C12orf42: variants seen among roughly 807,000 people sequenced by gnomAD.
The protein encoded by C12orf42 is chromosome 12 open reading frame 42, also known as uncharacterized protein C12orf42.
A neutral mutation model predicts 21.6 loss-of-function variants in C12orf42; 25 were observed. That is an observed-to-expected ratio of 1.16 (90% CI 0.84 to 1.62). The LOEUF is 1.62. Among genes scored for constraint, C12orf42 ranks in the 40% most tolerant of loss-of-function variants. C12orf42 has a pLI of 0.00. For missense variants in C12orf42, 483 were observed against 459.3 expected (o/e 1.05, Z -0.47); for synonymous variants, 174 against 175.0 (o/e 0.99, Z 0.05).
At chr12:103,197,714 T>G in the C12orf42 span, among the ~76,000 whole-genome samples, 2 of 152,238 alleles carry the variant, frequency 1.3e-5, no homozygotes, top group Non-Finnish European at 2.9e-5. Flanking sequence ...TCTTTGAAGT[T>G]GCTTCCTTTG....
intron 4 of C12orf42, among the ~76,000 whole-genome samples, chr12:103,351,419 G>A (rs948648645): frequency 6.6e-5 from 10 of 152,164 alleles, no homozygotes; most frequent in Non-Finnish European, 1.3e-4. Flanking sequence ...ACCCTGTCAC[G>A]GAGGCTGCCT....
At chr12:103,390,336 C>G (rs2138424758) in intron 3 of C12orf42, among the ~76,000 whole-genome samples, 1 of 152,306 alleles carries the variant, frequency 6.6e-6, no homozygotes, top group South Asian at 2.1e-4. Context: ...TTAACTATTT[C>G]TGAGTGTATA....
chr12:103,436,515 T>C (rs987595880), intron 2 of C12orf42, among the ~76,000 whole-genome samples: 1 of 151,124 alleles, frequency 6.6e-6, no homozygotes, highest in Non-Finnish European at 1.5e-5. Flanking sequence ...CCATCTCACG[T>C]GCAGAGACAC....
At chr12:103,130,259 G>A in the C12orf42 span, among the ~76,000 whole-genome samples, 1 of 151,222 alleles carries the variant, frequency 6.6e-6, no homozygotes, top group Admixed American at 6.6e-5. Context: ...AAGGAAAATA[G>A]CTTCTCTGAG....
chr12:103,550,297 AT>A, the C12orf42 span, among the ~76,000 whole-genome samples: 1 of 152,162 alleles, frequency 6.6e-6, no homozygotes, highest in African/African-American at 2.4e-5. Flanking sequence ...ACTCAAAGTC[AT>A]GGGGTCCTAA....
chr12:103,181,499 G>A, the C12orf42 span, among the ~76,000 whole-genome samples: 1 of 152,160 alleles, frequency 6.6e-6, no homozygotes, highest in African/African-American at 2.4e-5. Flanking sequence ...AAAGAAGAAA[G>A]ACAGAGGTGG....
the C12orf42 span, among the ~76,000 whole-genome samples, chr12:103,172,463 T>C: frequency 6.6e-6 from 1 of 152,124 alleles, no homozygotes; most frequent in Non-Finnish European, 1.5e-5. Flanking sequence ...GCCTACCTTT[T>C]CCCCTTGCTG....
chr12:103,302,899 T>C (rs1415099190), intron 5 of C12orf42, among the ~76,000 whole-genome samples: 2 of 151,874 alleles, frequency 1.3e-5, no homozygotes, highest in Non-Finnish European at 2.9e-5. Context: ...GTGGCTAAAA[T>C]AGGGCCCGAA....
At chr12:103,216,289 T>C in the C12orf42 span, among the ~76,000 whole-genome samples, 14,551 of 152,264 alleles carry the variant, frequency 0.096, 854 homozygotes, top group East Asian at 0.19. Flanking sequence ...TGTATAATTA[T>C]TTGTGTTCTG....
At chr12:103,427,414 A>G (rs530472755) in intron 2 of C12orf42, among the ~76,000 whole-genome samples, 3 of 152,198 alleles carry the variant, frequency 2.0e-5, no homozygotes, top group African/African-American at 7.2e-5. Context: ...GGATCAATGC[A>G]TCAAGAAGAG....
intron 4 of C12orf42, among the ~76,000 whole-genome samples, chr12:103,320,295 TA>T (rs1306512198): frequency 6.6e-6 from 1 of 152,338 alleles, no homozygotes; most frequent in East Asian, 1.9e-4. Flanking sequence ...ATTAACTTAA[TA>T]ACATGTAATC....
the C12orf42 span, among the ~76,000 whole-genome samples, chr12:103,125,024 G>A: frequency 6.6e-6 from 1 of 152,152 alleles, no homozygotes; most frequent in African/African-American, 2.4e-5. Flanking sequence ...GTCAGTATGT[G>A]TTGGTAAAAT....
At chr12:103,129,975 G>A in the C12orf42 span, among the ~76,000 whole-genome samples, 1 of 151,992 alleles carries the variant, frequency 6.6e-6, no homozygotes, top group Non-Finnish European at 1.5e-5. Flanking sequence ...TAACATCAAG[G>A]ATACCAACTA....
chr12:103,501,282 C>CA, the C12orf42 span, among the ~76,000 whole-genome samples: 27 of 151,562 alleles, frequency 1.8e-4, 1 homozygote, highest in Admixed American at 5.3e-4. Context: ...CTGGGAGTGT[C>CA]AAAAAAAGGG....
rs1355846364 is a variant in C12orf42 at position 103,368,990 on chromosome 12, A to C, written c.156T>G (p.Pro52=). ...AGGGTACTGAAGTTCTTTCATAACAAGGGATGTGCTGTAAGATAGAGGAGA... is the reference window on the plus strand; with the variant it reads ...AGGGTACTGAAGTTCTTTCATAACACGGGATGTGCTGTAAGATAGAGGAGA... ...DRSTPSAKHI[P]CYERTSVPCS... The change falls in exon 4 of 6, where the codon CCT becomes CCG. Residue 52 remains proline (P), a synonymous_variant. Coordinates refer to ENST00000548883, the MANE Select transcript of C12orf42 (RefSeq NM_198521.5). 1.3e-6 allele frequency: 2 copies of C among 1,577,186 alleles called. No homozygotes were observed. Among genetic ancestry groups the C allele is most frequent in the Non-Finnish European group, 1.7e-6 (2 of 1,154,890 alleles).
intron 1 of C12orf42, among the ~76,000 whole-genome samples, chr12:103,488,926 G>T (rs1347656306): frequency 6.6e-6 from 1 of 152,036 alleles, no homozygotes; most frequent in Non-Finnish European, 1.5e-5. Context: ...AGTTATTAAA[G>T]ACCTTCTGAA....
At chr12:103,320,042 A>G (rs2039933395) in intron 4 of C12orf42, among the ~76,000 whole-genome samples, 5 of 152,194 alleles carry the variant, frequency 3.3e-5, no homozygotes, top group African/African-American at 2.4e-5. Context: ...CACATCCATC[A>G]TATTTCACAA....
At chr12:103,201,764 A>G in the C12orf42 span, among the ~76,000 whole-genome samples, 3 of 152,170 alleles carry the variant, frequency 2.0e-5, no homozygotes, top group Admixed American at 6.5e-5. Context: ...ACTGCACTGT[A>G]TGTTTATTAG....
At chr12:103,219,663 C>G in the C12orf42 span, among the ~76,000 whole-genome samples, 3 of 152,220 alleles carry the variant, frequency 2.0e-5, no homozygotes, top group Non-Finnish European at 4.4e-5. Context: ...TGAAAAACCG[C>G]TCATCATCCC....
Sources: gnomAD v4.1 joint callset for allele counts (sites outside exome capture counted in the v4.1 genomes callset) on GRCh38, gnomAD v4.1.1 for gene constraint, MANE v1.5 for transcripts, NCBI Gene and HGNC (gene_info 2026-07-23, HGNC 2026-07-21) for gene names.